The following CAMSAP2 variants were observed in gnomAD, a reference collection of about 807,000 sequenced individuals.
CAMSAP2 encodes calmodulin-regulated spectrin-associated protein 2.
In CAMSAP2, 26 loss-of-function variants were observed where a neutral mutation model predicts 146.1. That is an observed-to-expected ratio of 0.18 (90% CI 0.13 to 0.25). The LOEUF is 0.25. Ranked by LOEUF, CAMSAP2 falls within the 10% of genes least tolerant of loss-of-function variation. The pLI, the probability that CAMSAP2 is intolerant of heterozygous loss-of-function variation, is 1.00. For synonymous variants in CAMSAP2, 499 were observed against 596.6 expected (o/e 0.84, Z 2.38); for missense variants, 1,381 against 1,759.3 (o/e 0.78, Z 3.85).
chr1:200,849,213 C>T lies in CAMSAP2; in HGVS notation c.2444C>T (p.Thr815Ile). Reference protein sequence around the residue: ...AAGAEDEKVYTDRAKEKESQK... With the variant: ...AAGAEDEKVYIDRAKEKESQK... ...GGTGCAGAAGATGAGAAAGTATATA[C>T]TGATCGAGCAAAAGAAAAGGAATCA... The change falls in exon 11 of 17, where the codon ACT becomes ATT. Residue 815 changes from threonine (T) to isoleucine (I), a missense_variant. By Grantham distance (89) the Thr-to-Ile change is moderately conservative (BLOSUM62 -1). This residue lies in a region of CAMSAP2 where 560 missense variants were observed against 715.9 expected (regional missense o/e 0.78). Transcript: ENST00000358823. The surrounding 1 kb of genome is among the most constrained non-coding windows in gnomAD (Gnocchi z 6.3). 1 of 1,613,732 alleles carries T rather than the reference C, an allele frequency of 6.2e-7. No individual in the cohort carries two copies. Among genetic ancestry groups the T allele is most frequent in the Non-Finnish European group, 8.5e-7 (1 of 1,179,976 alleles).
intron 1 of CAMSAP2, among the ~76,000 whole-genome samples, chr1:200,748,095 C>G (rs928088398): frequency 6.6e-6 from 1 of 152,048 alleles, no homozygotes; most frequent in African/African-American, 2.4e-5. Flanking sequence ...ACACTCTTCT[C>G]TTGCTTTTTT....
At chr1:200,790,042 A>AG (rs1208169293) in intron 2 of CAMSAP2, among the ~76,000 whole-genome samples, 1 of 152,108 alleles carries the variant, frequency 6.6e-6, no homozygotes, top group African/African-American at 2.4e-5. Context: ...TGTGGGGGAG[A>AG]GGAGAAGCAT....
intron 4 of CAMSAP2, among the ~76,000 whole-genome samples, chr1:200,816,728 ATGTGTGTACACACACACGCG>A (rs1666513391): frequency 7.0e-5 from 8 of 113,500 alleles, no homozygotes; most frequent in Admixed American, 3.8e-4. Context: ...ACGCACATAT[ATGTGTGTACACACACACGCG>A]TGTATATATG....
intron 7 of CAMSAP2, 53 bp from the exon 8 acceptor site, chr1:200,844,729 T>G: frequency 9.2e-7 from 1 of 1,083,442 alleles, no homozygotes; most frequent in Non-Finnish European, 1.3e-6. Flanking sequence ...GGTCCAGAAT[T>G]TTTCATAGAA....
intron 2 of CAMSAP2, among the ~76,000 whole-genome samples, chr1:200,774,443 G>C (rs1665211358): frequency 1.3e-5 from 2 of 152,166 alleles, no homozygotes; most frequent in Admixed American, 1.3e-4. Flanking sequence ...TTTTCAGGAA[G>C]TTCTTTTGCT....
At chr1:200,822,767 A>G (rs1666808657) in intron 4 of CAMSAP2, among the ~76,000 whole-genome samples, 2 of 152,238 alleles carry the variant, frequency 1.3e-5, no homozygotes, top group South Asian at 4.1e-4. Context: ...ATGGGCAGGT[A>G]GCATATACAG....
chr1:200,836,763 G>T lies in CAMSAP2; in HGVS notation c.927+3918G>T, dbSNP rs189252877. 6.6e-5 allele frequency among the ~76,000 whole-genome samples: 10 copies of T among 152,152 alleles called. No homozygotes were observed. The East Asian group carries it at 1.7e-3, about 26-fold the overall frequency. The stretch of plus-strand genomic sequence containing the variant: ...ACTTTGTCAACACCTATTATTTTTT[G>T]ACTTTTTAGTAAGAGCCATTCTAAC... On this transcript the variant is annotated intron_variant, in intron 6 of 16. Transcript: ENST00000358823.
chr1:200,820,577 C>T (rs1666730713), intron 4 of CAMSAP2, among the ~76,000 whole-genome samples: 1 of 152,112 alleles, frequency 6.6e-6, no homozygotes, highest in Admixed American at 6.6e-5. Context: ...ATGCTTATAC[C>T]TCTTTGCCTG....
intron 2 of CAMSAP2, among the ~76,000 whole-genome samples, chr1:200,794,415 T>C (rs1465617229): frequency 1.3e-5 from 2 of 152,222 alleles, no homozygotes; most frequent in Non-Finnish European, 2.9e-5. Context: ...AGCTGTTTTC[T>C]GTGAAGCCTT....
At chr1:200,822,306 A>T (rs750427430) in intron 4 of CAMSAP2, among the ~76,000 whole-genome samples, 2 of 152,214 alleles carry the variant, frequency 1.3e-5, no homozygotes, top group Non-Finnish European at 2.9e-5. Context: ...ATTTAATGTC[A>T]GTATAATACT....
At position 200,858,197 on chromosome 1, in the gene CAMSAP2, TG is replaced by T; in HGVS notation, c.*140del. 1.4e-6 allele frequency: 1 copy of T among 724,024 alleles called. No individual in the cohort carries two copies. The highest frequency in any genetic ancestry group is 2.2e-6 in the Non-Finnish European group (1 of 453,604). 44.8% of individuals were successfully genotyped at this position (724,024 alleles called of 1,614,324 possible). ...ATTAAGCTCTGTTGTCATGAACAAC[TG>T]GAATGTAAACCACAGTATTTTGGAG... is the stretch of plus-strand genomic sequence containing the variant. On this transcript the variant is annotated 3_prime_UTR_variant, in exon 17 of 17. Coordinates refer to ENST00000358823, the MANE Select transcript of CAMSAP2 (RefSeq NM_203459.4).
At position 200,796,844 on chromosome 1, in the gene CAMSAP2, C is replaced by T. The variant is rs373157115; in HGVS notation, c.400-10532C>T. 4.0e-4 allele frequency among the ~76,000 whole-genome samples: 60 copies of T among 151,856 alleles called. 2 individuals carry two copies. The East Asian group carries it at 8.2e-3, about 21-fold the overall frequency. On this transcript the variant is annotated intron_variant, in intron 2 of 16. Transcript: ENST00000358823. ...CTCTCCCCCCACCCCACAACAGTCC[C>T]CAGAGTGTGATATTCCCCTTCCTGT...
At chr1:200,780,830 GGATGGCTACTTAAC>G (rs1195233424) in intron 2 of CAMSAP2, among the ~76,000 whole-genome samples, 1 of 152,156 alleles carries the variant, frequency 6.6e-6, no homozygotes, top group Non-Finnish European at 1.5e-5. Flanking sequence ...TAAAAACCTG[GGATGGCTACTTAAC>G]GAGGTGGATA....
At chr1:200,760,369 C>T (rs1317981459) in intron 1 of CAMSAP2, among the ~76,000 whole-genome samples, 1 of 152,196 alleles carries the variant, frequency 6.6e-6, no homozygotes, top group Non-Finnish European at 1.5e-5. Flanking sequence ...TAGGCAGTCT[C>T]TATTCTGCAG....
intron 4 of CAMSAP2, among the ~76,000 whole-genome samples, chr1:200,829,625 A>G (rs1248517978): frequency 6.6e-6 from 1 of 151,684 alleles, no homozygotes; most frequent in African/African-American, 2.4e-5. Flanking sequence ...ATAAAACTCT[A>G]ATTTAGAAAT....
rs753368473 is a variant in CAMSAP2 at position 200,815,656 on chromosome 1, A to C, written c.645+12A>C. On this transcript the variant is annotated intron_variant, in intron 4 of 16. Coordinates refer to ENST00000358823, the MANE Select transcript of CAMSAP2 (RefSeq NM_203459.4). ...CAGGAGGTCAAAAGGTATTTATTTC[A>C]AAAACAAAAAGGTGCCTTTATGAGA... 11 of 1,488,132 alleles carry C rather than the reference A, an allele frequency of 7.4e-6. No homozygotes were observed. The African/African-American group carries it at 1.6e-4, about 21-fold the overall frequency. The allele number at this position is 1,488,132 out of a possible 1,614,324, so 92.2% of individuals were successfully genotyped here.
At chr1:200,758,732 G>A (rs1404228520) in intron 1 of CAMSAP2, among the ~76,000 whole-genome samples, 1 of 152,132 alleles carries the variant, frequency 6.6e-6, no homozygotes, top group African/African-American at 2.4e-5. Flanking sequence ...AATTGGTGCT[G>A]CCTCTGATTT....
intron 1 of CAMSAP2, among the ~76,000 whole-genome samples, chr1:200,758,622 C>A (rs1170980346): frequency 1.3e-5 from 2 of 152,196 alleles, no homozygotes; most frequent in African/African-American, 4.8e-5. Flanking sequence ...TTTCCAGAGT[C>A]CTATATCTCC....
rs1161694004 is a variant in CAMSAP2, at chr1:200,738,937, C to CGCGGCGGCG, written c.-889_-888insGGCGGCGGC. Among the ~76,000 whole-genome samples, 7 of 125,168 alleles carry CGCGGCGGCG rather than the reference C, an allele frequency of 5.6e-5. No homozygotes were observed. The highest frequency in any genetic ancestry group is 2.6e-4 in the East Asian group (1 of 3,796). The allele number at this position is 125,168 out of a possible 152,430, so 82.1% of individuals were successfully genotyped here. A position where few individuals can be genotyped will look rare whatever the true frequency, so the allele number is the denominator to read the frequency against. On this transcript the variant is annotated 5_prime_UTR_variant, in exon 1 of 17. Coordinates refer to ENST00000358823, the MANE Select transcript of CAMSAP2 (RefSeq NM_203459.4). ...TCATCCAGTGCCGCAGCCGGAAAAC[C>CGCGGCGGCG]GCAGCGGCGGCGGCGGCGGCTGAGG...
Sources: gnomAD v4.1 joint callset for allele counts (sites outside exome capture counted in the v4.1 genomes callset) on GRCh38, gnomAD v4.1.1 for gene constraint, gnomAD v4.1.1 regional missense constraint, Gnocchi (gnomAD v3.1) non-coding constraint, MANE v1.5 for transcripts, NCBI Gene and HGNC (gene_info 2026-07-23, HGNC 2026-07-21) for gene names.